TENM3: variants seen among roughly 807,000 people sequenced by gnomAD.
TENM3 encodes the protein teneurin-3.
In TENM3, 63 loss-of-function variants were observed where a neutral mutation model predicts 255.1. The observed-to-expected ratio is 0.25, with a 90% confidence interval of 0.20 to 0.30. The LOEUF (loss-of-function observed/expected upper bound fraction) is 0.30. Among genes scored for constraint, TENM3 ranks in the 10% least tolerant of loss-of-function variants. TENM3 has a pLI of 1.00. For synonymous variants in TENM3, 1,306 were observed against 1,322.3 expected (o/e 0.99, Z 0.27); for missense variants, 2,929 against 3,461.1 (o/e 0.85, Z 3.86).
intron 3 of TENM3, 76 bp downstream of exon 3, chr4:182,347,005 T>A (rs1764869720): frequency 7.4e-6 from 8 of 1,076,800 alleles, no homozygotes; most frequent in African/African-American, 3.2e-5. Context: ...CGGGGGGGGA[T>A]GTTTTTCTTT....
At chr4:182,096,067 C>A in the TENM3 span, among the ~76,000 whole-genome samples, 4 of 149,182 alleles carry the variant, frequency 2.7e-5, no homozygotes, top group Non-Finnish European at 5.9e-5. Context: ...GAGGTCAAGA[C>A]GACAGTGAGC....
At chr4:182,043,012 A>C in the TENM3 span, among the ~76,000 whole-genome samples, 1 of 151,936 alleles carries the variant, frequency 6.6e-6, no homozygotes, top group Non-Finnish European at 1.5e-5. Flanking sequence ...TTAAGAATAA[A>C]ATTGTGGTGT....
At chr4:181,476,795 A>G in the TENM3 span, among the ~76,000 whole-genome samples, 1 of 152,170 alleles carries the variant, frequency 6.6e-6, no homozygotes, top group African/African-American at 2.4e-5. Context: ...CCATCCACAT[A>G]AAGGAGAGGA....
In TENM3 at chr4:182,177,127, G is replaced by A. The variant is rs185118130; in HGVS notation, c.-76+32373G>A. On this transcript the variant is annotated intron_variant, in intron 1 of 2. Transcript: ENST00000512480. ...TAAGCACCCACATGGGGACCCGCAC[G>A]GAGCAGAAGCCGCTGTGCTCTGGTG... Among the ~76,000 whole-genome samples the A allele has an allele frequency of 3.1e-3, 473 of 152,128 alleles. 2 individuals carry two copies. The highest frequency in any genetic ancestry group is 4.1e-3 in the Non-Finnish European group (282 of 68,008).
At chr4:182,100,414 T>G in the TENM3 span, among the ~76,000 whole-genome samples, 1 of 133,596 alleles carries the variant, frequency 7.5e-6, no homozygotes, top group Admixed American at 8.6e-5. Flanking sequence ...CCAGCCTCGG[T>G]AACATGGCAA....
At chr4:181,606,485 T>C in the TENM3 span, among the ~76,000 whole-genome samples, 1 of 152,156 alleles carries the variant, frequency 6.6e-6, no homozygotes, top group South Asian at 2.1e-4. Context: ...ACTGTGTGCA[T>C]GTCTGTGTGT....
In TENM3 at chr4:182,485,083, G is replaced by C. The variant is rs562013549; in HGVS notation, c.512-115841G>C. On this transcript the variant is annotated intron_variant, in intron 3 of 27. Coordinates refer to ENST00000511685, the MANE Select transcript of TENM3 (RefSeq NM_001080477.4). ...TATCTTATACCTCCTATAAATAAAG[G>C]TATACCATGTTCCTTGCAGGCACTG... is the stretch of plus-strand genomic sequence containing the variant. 2.6e-5 allele frequency among the ~76,000 whole-genome samples: 4 copies of C among 152,068 alleles called. No individual in the cohort carries two copies. In the South Asian group the frequency reaches 8.3e-4, roughly 32 times the overall value.
chr4:181,746,554 A>C, the TENM3 span, among the ~76,000 whole-genome samples: 1 of 152,098 alleles, frequency 6.6e-6, no homozygotes, highest in East Asian at 1.9e-4. Flanking sequence ...TAATAAGGAA[A>C]AAAATTGAAA....
At chr4:181,837,555 A>G in the TENM3 span, among the ~76,000 whole-genome samples, 4 of 152,206 alleles carry the variant, frequency 2.6e-5, no homozygotes, top group East Asian at 1.9e-4. Flanking sequence ...CACCATTTCA[A>G]TTAAAGCAAT....
At chr4:182,410,322 G>C (rs1266999095) in intron 3 of TENM3, among the ~76,000 whole-genome samples, 1 of 152,218 alleles carries the variant, frequency 6.6e-6, no homozygotes, top group Non-Finnish European at 1.5e-5. Context: ...AAATGGCGCA[G>C]CACATTCAGG....
intron 3 of TENM3, among the ~76,000 whole-genome samples, chr4:182,433,593 C>T (rs887150303): frequency 6.6e-6 from 1 of 152,098 alleles, no homozygotes; most frequent in African/African-American, 2.4e-5. Flanking sequence ...AAAATCACTT[C>T]GTCAAGTGCA....
At chr4:181,630,361 T>G in the TENM3 span, among the ~76,000 whole-genome samples, 1 of 152,198 alleles carries the variant, frequency 6.6e-6, no homozygotes, top group Non-Finnish European at 1.5e-5. Flanking sequence ...TGATTTTAGT[T>G]ATTTATTGCC....
the TENM3 span, among the ~76,000 whole-genome samples, chr4:181,518,815 C>A: frequency 6.6e-6 from 1 of 152,114 alleles, no homozygotes; most frequent in African/African-American, 2.4e-5. Context: ...CCTGTATGTC[C>A]ATGAATGACA....
chr4:182,508,375 G>C (rs1330549617), intron 3 of TENM3, among the ~76,000 whole-genome samples: 5 of 152,094 alleles, frequency 3.3e-5, no homozygotes, highest in Non-Finnish European at 5.9e-5. Context: ...AATCTCATTT[G>C]GCAATTGAGT....
chr4:181,585,842 T>G, the TENM3 span, among the ~76,000 whole-genome samples: 1 of 152,188 alleles, frequency 6.6e-6, no homozygotes, highest in Non-Finnish European at 1.5e-5. Flanking sequence ...CCTATTAATT[T>G]AAACAGGAGG....
At chr4:181,782,776 C>T in the TENM3 span, among the ~76,000 whole-genome samples, 2 of 152,194 alleles carry the variant, frequency 1.3e-5, no homozygotes, top group Non-Finnish European at 2.9e-5. Flanking sequence ...AAATTTCCCT[C>T]AACACACTGC....
At chr4:182,205,654 C>G (rs1488285893) in intron 1 of TENM3, among the ~76,000 whole-genome samples, 1 of 152,256 alleles carries the variant, frequency 6.6e-6, no homozygotes, top group African/African-American at 2.4e-5. Flanking sequence ...TCATTGTGCC[C>G]TTGGCACATC....
the TENM3 span, among the ~76,000 whole-genome samples, chr4:181,909,575 GCACAGCTGGGGAGAATTTCCCCACC>G: frequency 6.6e-6 from 1 of 152,110 alleles, no homozygotes; most frequent in African/African-American, 2.4e-5. Context: ...CATTGCCTCA[GCACAGCTGGGGAGAATTTCCCCACC>G]CACATCATAC....
chr4:181,982,821 T>TATTCTG, the TENM3 span, among the ~76,000 whole-genome samples: 8 of 152,176 alleles, frequency 5.3e-5, no homozygotes, highest in Admixed American at 2.6e-4. Context: ...TTTCATCCAG[T>TATTCTG]ATTCTGTTTT....
Sources: gnomAD v4.1 joint callset for allele counts (sites outside exome capture counted in the v4.1 genomes callset) on GRCh38, gnomAD v4.1.1 for gene constraint, MANE v1.5 for transcripts, NCBI Gene and HGNC (gene_info 2026-07-23, HGNC 2026-07-21) for gene names.